Variants in PDE7B observed in about 807,000 individuals in gnomAD.
The protein encoded by PDE7B is 3',5'-cyclic-AMP phosphodiesterase 7B.
PDE7B carries 29 observed loss-of-function variants against 56.2 expected under a neutral mutation model. The observed-to-expected ratio is 0.52, with a 90% CI of 0.38 to 0.70. PDE7B has a LOEUF of 0.70. Among genes scored for constraint, PDE7B ranks in the 30% least tolerant of loss-of-function variants. PDE7B has a pLI of 0.00. For missense variants in PDE7B, 490 were observed against 565.0 expected (o/e 0.87, Z 1.35); for synonymous variants, 197 against 196.9 (o/e 1.00, Z 0.00).
chr6:135,899,798 G>C (rs963029716), intron 1 of PDE7B, among the ~76,000 whole-genome samples: 3 of 151,984 alleles, frequency 2.0e-5, no homozygotes, highest in Non-Finnish European at 2.9e-5. Context: ...AAACACCCAT[G>C]GGTAGTATAT....
At chr6:135,987,110 A>T (rs1209548028) in intron 2 of PDE7B, among the ~76,000 whole-genome samples, 1 of 152,186 alleles carries the variant, frequency 6.6e-6, no homozygotes, top group African/African-American at 2.4e-5. Context: ...AGTAACTACA[A>T]CTTGCCTTCC....
rs1554267949 is a variant in PDE7B at position 135,934,739 on chromosome 6, A to AAT, written c.22-12710_22-12709dup. On this transcript the variant is annotated intron_variant, in intron 1 of 12. Transcript: ENST00000308191. Reference sequence around the variant, plus strand: ...AGTGAAACTCTGTCTCAAAAAAAAAAATATATATATATATATTTTTTAAAT... The same window carrying AAT: ...AGTGAAACTCTGTCTCAAAAAAAAAAATATATATATATATATATTTTTTAAAT... Among the ~76,000 whole-genome samples, 6 of 105,672 alleles carry AAT rather than the reference A, an allele frequency of 5.7e-5. No homozygotes were observed. The South Asian group carries it at 8.0e-4, about 14-fold the overall frequency. 69.3% of individuals were successfully genotyped at this position (105,672 alleles called of 152,430 possible).
chr6:136,069,032 C>T (rs1777000463), intron 2 of PDE7B, among the ~76,000 whole-genome samples: 1 of 152,040 alleles, frequency 6.6e-6, no homozygotes, highest in African/African-American at 2.4e-5. Context: ...TGCCTGAATT[C>T]CTAAGGGAGG....
At chr6:136,051,578 A>G (rs1193130467) in intron 2 of PDE7B, among the ~76,000 whole-genome samples, 1 of 152,232 alleles carries the variant, frequency 6.6e-6, no homozygotes, top group African/African-American at 2.4e-5. Context: ...TTGGTCCCGT[A>G]ACCAATTCAG....
chr6:136,154,430 A>C (rs1778574027), intron 7 of PDE7B, among the ~76,000 whole-genome samples: 3 of 152,240 alleles, frequency 2.0e-5, no homozygotes, highest in African/African-American at 7.2e-5. Flanking sequence ...AAAAAAAAAA[A>C]AAACTTCCTC....
intron 3 of PDE7B, among the ~76,000 whole-genome samples, chr6:136,126,243 T>A (rs1171634969): frequency 6.6e-6 from 1 of 152,178 alleles, no homozygotes; most frequent in African/African-American, 2.4e-5. Flanking sequence ...GAACAACTTC[T>A]GGGAAAGTCA....
chr6:135,907,749 G>T lies in PDE7B; in HGVS notation c.22-39715G>T, dbSNP rs560495658. Among the ~76,000 whole-genome samples, 6 of 152,174 alleles carry T rather than the reference G, an allele frequency of 3.9e-5. 1 individual carries two copies. In the East Asian group the frequency reaches 1.2e-3, roughly 29 times the overall value. On this transcript the variant is annotated intron_variant, in intron 1 of 12. Transcript: ENST00000308191. The stretch of plus-strand genomic sequence containing the variant: ...TAAAAATACATGTAATACTCTTATA[G>T]ATAAAATTATAAAACTTATTGAATA...
At chr6:135,978,043 C>T (rs1404439763) in intron 2 of PDE7B, among the ~76,000 whole-genome samples, 1 of 152,110 alleles carries the variant, frequency 6.6e-6, no homozygotes, top group Non-Finnish European at 1.5e-5. Flanking sequence ...CATCACTTAA[C>T]TGTGCGGATA....
At chr6:136,142,572 T>A (rs1047038906) in intron 3 of PDE7B, among the ~76,000 whole-genome samples, 9 of 152,160 alleles carry the variant, frequency 5.9e-5, no homozygotes, top group African/African-American at 2.2e-4. Flanking sequence ...CCCATTATTA[T>A]TGTGTGGGAG....
At chr6:136,099,135 A>G (rs1333946510) in intron 2 of PDE7B, among the ~76,000 whole-genome samples, 2 of 152,168 alleles carry the variant, frequency 1.3e-5, no homozygotes, top group African/African-American at 2.4e-5. Context: ...ATAGTATTCC[A>G]TGGCATAAAT....
chr6:136,040,065 C>T (rs1252443998), intron 2 of PDE7B, among the ~76,000 whole-genome samples: 1 of 152,164 alleles, frequency 6.6e-6, no homozygotes, highest in Non-Finnish European at 1.5e-5. Flanking sequence ...AGCAGAACTC[C>T]TGTAGCTTCT....
chr6:136,053,829 ATG>A (rs1365065499), intron 2 of PDE7B, among the ~76,000 whole-genome samples: 16 of 152,154 alleles, frequency 1.1e-4, no homozygotes, highest in Non-Finnish European at 1.6e-4. Context: ...GCATTTTTTC[ATG>A]TGTTTTTTGG....
At chr6:136,165,243 A>T (rs747075718) in intron 8 of PDE7B, among the ~76,000 whole-genome samples, 1 of 152,200 alleles carries the variant, frequency 6.6e-6, no homozygotes, top group Non-Finnish European at 1.5e-5. Flanking sequence ...TTCCAAGCAG[A>T]TCAATGATTT....
At chr6:136,154,014 TA>T in intron 6 of PDE7B, 60 bp from the exon 7 acceptor site, 1 of 1,103,054 alleles carries the variant, frequency 9.1e-7, no homozygotes, top group Non-Finnish European at 1.4e-6. Flanking sequence ...ACAGTAAGTC[TA>T]AGCTAGTATA....
chr6:135,902,842 A>T (rs1278881181), intron 1 of PDE7B, among the ~76,000 whole-genome samples: 1 of 152,196 alleles, frequency 6.6e-6, no homozygotes, highest in East Asian at 1.9e-4. Context: ...AGCTGTTAGT[A>T]TATAATCGGC....
intron 2 of PDE7B, among the ~76,000 whole-genome samples, chr6:135,948,892 TAGATAGACAGACAGACAGAC>T (rs994171049): frequency 2.3e-5 from 1 of 43,572 alleles, no homozygotes; most frequent in Non-Finnish European, 4.3e-5. Flanking sequence ...GATAGATAGA[TAGATAGACAGACAGACAGAC>T]AGACAGACAG....
At chr6:136,057,656 A>G (rs1196285049) in intron 2 of PDE7B, among the ~76,000 whole-genome samples, 2 of 152,180 alleles carry the variant, frequency 1.3e-5, no homozygotes, top group Non-Finnish European at 2.9e-5. Context: ...ATGAATGGCC[A>G]CTTAAGTCAA....
intron 1 of PDE7B, among the ~76,000 whole-genome samples, chr6:135,877,706 C>T (rs1394696734): frequency 6.7e-6 from 1 of 149,078 alleles, no homozygotes; most frequent in Non-Finnish European, 1.5e-5. Flanking sequence ...AAGGGCATTC[C>T]ATATTCTTTG....
chr6:135,864,213 C>T (rs185284711), intron 1 of PDE7B, among the ~76,000 whole-genome samples: 3 of 152,158 alleles, frequency 2.0e-5, no homozygotes, highest in Admixed American at 6.6e-5. Context: ...TTGAGAACTT[C>T]GGAATGCCTT....
Sources: gnomAD v4.1 joint callset for allele counts (sites outside exome capture counted in the v4.1 genomes callset) on GRCh38, gnomAD v4.1.1 for gene constraint, MANE v1.5 for transcripts, NCBI Gene and HGNC (gene_info 2026-07-23, HGNC 2026-07-21) for gene names.